The following TMEM156 variants were observed in gnomAD, a reference collection of about 807,000 sequenced individuals.
The protein encoded by TMEM156 is transmembrane protein 156.
Under a neutral mutation model 30.5 loss-of-function variants are expected in TMEM156, and 28 were observed. The ratio of observed to expected loss-of-function variants is 0.92; its 90% CI spans 0.68 to 1.26. TMEM156 has a LOEUF of 1.26. TMEM156 is among the 50% of genes most tolerant of loss of function. The pLI is 0.00. For synonymous variants in TMEM156, 137 were observed against 119.9 expected (o/e 1.14, Z -0.93); for missense variants, 351 against 340.6 (o/e 1.03, Z -0.24).
chr4:38,993,830 CT>C lies in TMEM156; in HGVS notation c.526del (p.Ser176AlafsTer6). On this transcript the variant is annotated frameshift_variant, in exon 3 of 7. Coordinates refer to ENST00000381938, the MANE Select transcript of TMEM156 (RefSeq NM_024943.3). LOFTEE classifies it high-confidence loss of function. ...GRSTIMEDEP[S>X]KEKSINYTCR... ...AGTGTAGTTTATCGATTTCTCCTTG[CT>C]TGGCTCATCCTCCATGATTGTTGAT... 1.2e-6 allele frequency: 2 copies of C among 1,614,048 alleles called. No homozygotes were observed. The highest frequency in any genetic ancestry group is 1.7e-6 in the Non-Finnish European group (2 of 1,179,972).
At chr4:39,000,120 G>A (rs558568658) in intron 1 of TMEM156, among the ~76,000 whole-genome samples, 1 of 152,332 alleles carries the variant, frequency 6.6e-6, no homozygotes, top group South Asian at 2.1e-4. Flanking sequence ...TAGGCTGGGT[G>A]TGGTGGCTCA....
At chr4:38,983,973 C>T (rs1016804765) in intron 5 of TMEM156, among the ~76,000 whole-genome samples, 8 of 152,166 alleles carry the variant, frequency 5.3e-5, no homozygotes, top group Non-Finnish European at 1.0e-4. Context: ...AGATATTATG[C>T]TAGCAACAAC....
At chr4:39,017,876 A>G (rs1166939041) in intron 1 of TMEM156, among the ~76,000 whole-genome samples, 2 of 152,000 alleles carry the variant, frequency 1.3e-5, no homozygotes, top group Admixed American at 1.3e-4. Context: ...TTTTATCTTA[A>G]TGCTTTAGAT....
At chr4:38,986,228 G>T in intron 5 of TMEM156, 108 bp downstream of exon 5, 2 of 763,292 alleles carry the variant, frequency 2.6e-6, no homozygotes, top group Non-Finnish European at 4.6e-6. Flanking sequence ...CAGATACAAG[G>T]CTAATTTACA....
chr4:38,994,606 G>GT lies in TMEM156; in HGVS notation c.359-609dup, dbSNP rs577497906. Reference sequence around the variant, plus strand: ...ATATTTCCCATTCCACACTGTACTAGTTTTTTAGGGCTGCTGTAACAAAGT... The same window carrying GT: ...ATATTTCCCATTCCACACTGTACTAGTTTTTTTAGGGCTGCTGTAACAAAGT... On this transcript the variant is annotated intron_variant, in intron 2 of 6. Transcript: ENST00000381938. 1.4e-3 allele frequency among the ~76,000 whole-genome samples: 207 copies of GT among 152,256 alleles called. 2 individuals carry two copies. The highest frequency in any genetic ancestry group is 4.7e-3 in the African/African-American group (194 of 41,548).
Position 38,998,808 on chromosome 4 carries a change from C to A in TMEM156, c.190G>T (p.Val64Leu). 1 of 1,613,836 alleles carries A rather than the reference C, an allele frequency of 6.2e-7. No homozygotes were observed. Among genetic ancestry groups the A allele is most frequent in the Non-Finnish European group, 8.5e-7 (1 of 1,179,886 alleles). Residue 64 changes from valine (V) to leucine (L), a missense_variant, in exon 2 of 7, where the codon GTA (valine) becomes TTA (leucine). Physicochemically the swap from Val to Leu is conservative, Grantham distance 32. Coordinates refer to ENST00000381938, the MANE Select transcript of TMEM156 (RefSeq NM_024943.3). Reference protein sequence around the residue: ...NFSFVTFLQPVRETQIIMRIF... With the variant: ...NFSFVTFLQPLRETQIIMRIF... ...CTCATGATAATCTGAGTTTCCCTTA[C>A]TGGTTGCAGAAAAGTCACAAAAGAA...
chr4:39,001,989 T>C (rs200298123), intron 1 of TMEM156, among the ~76,000 whole-genome samples: 39,846 of 109,696 alleles, frequency 0.36, 8,908 homozygotes, highest in East Asian at 0.55. Context: ...ACTTCATGTC[T>C]AAAACACCAA....
intron 1 of TMEM156, among the ~76,000 whole-genome samples, chr4:39,031,972 A>G: frequency 6.6e-6 from 1 of 152,046 alleles, no homozygotes. Flanking sequence ...TTGTAATCTC[A>G]ATGTCTGAAA....
At chr4:39,028,056 T>C (rs1229522693) in intron 1 of TMEM156, among the ~76,000 whole-genome samples, 3 of 152,000 alleles carry the variant, frequency 2.0e-5, no homozygotes, top group Non-Finnish European at 4.4e-5. Context: ...CCAGCTAGTT[T>C]TTTGTATTTT....
At chr4:39,015,691 C>T (rs140543550) in intron 1 of TMEM156, among the ~76,000 whole-genome samples, 21 of 152,194 alleles carry the variant, frequency 1.4e-4, no homozygotes, top group South Asian at 2.1e-4. Flanking sequence ...TTAACTGATA[C>T]GGTTTGGCTG....
chr4:38,977,804 A>G (rs961626735), intron 5 of TMEM156, among the ~76,000 whole-genome samples: 11 of 152,180 alleles, frequency 7.2e-5, no homozygotes, highest in African/African-American at 2.7e-4. Flanking sequence ...TAGTGAACAA[A>G]ATGGATTTTC....
intron 3 of TMEM156, among the ~76,000 whole-genome samples, chr4:38,992,167 C>T (rs1164961752): frequency 2.6e-5 from 4 of 152,206 alleles, no homozygotes; most frequent in African/African-American, 7.2e-5. Context: ...GAAAGGCTTC[C>T]GTATGTCTGG....
In TMEM156 at chr4:39,025,618, G is replaced by A. The variant is rs59562187; in HGVS notation, c.88+6608C>T. Among the ~76,000 whole-genome samples, 62 of 152,246 alleles carry A rather than the reference G, an allele frequency of 4.1e-4. 1 individual carries two copies. Among genetic ancestry groups the A allele is most frequent in the African/African-American group, 1.4e-3 (58 of 41,550 alleles). ...GCTGGAGGCAGGGAGCAAAGTTTGG[G>A]ATAACTTTCGACATACCATAGCAAT... is the stretch of plus-strand genomic sequence containing the variant. On this transcript the variant is annotated intron_variant, in intron 1 of 6. Transcript: ENST00000381938.
chr4:39,007,125 C>T (rs749249231), intron 1 of TMEM156, among the ~76,000 whole-genome samples: 7 of 151,976 alleles, frequency 4.6e-5, no homozygotes, highest in African/African-American at 1.4e-4. Flanking sequence ...AGCGTGTTTC[C>T]GGGTTCTCAA....
At chr4:39,015,437 C>T (rs771611672) in intron 1 of TMEM156, among the ~76,000 whole-genome samples, 5 of 152,076 alleles carry the variant, frequency 3.3e-5, no homozygotes, top group Non-Finnish European at 7.4e-5. Context: ...CTCAGCAGGC[C>T]ATTGCTGGCT....
At chr4:39,019,975 C>T (rs1714753150) in intron 1 of TMEM156, among the ~76,000 whole-genome samples, 1 of 152,136 alleles carries the variant, frequency 6.6e-6, no homozygotes, top group Non-Finnish European at 1.5e-5. Flanking sequence ...CTGTCGTCCA[C>T]GGTAAACATC....
chr4:39,005,029 G>A (rs1435569141), intron 1 of TMEM156, among the ~76,000 whole-genome samples: 1 of 152,168 alleles, frequency 6.6e-6, no homozygotes, highest in Non-Finnish European at 1.5e-5. Context: ...CTGTATTCAT[G>A]TAATGGGATA....
chr4:39,014,207 T>C (rs1331121649), intron 1 of TMEM156, among the ~76,000 whole-genome samples: 1 of 152,122 alleles, frequency 6.6e-6, no homozygotes, highest in Non-Finnish European at 1.5e-5. Context: ...TTATCACGAG[T>C]CAATCTGCCA....
Position 38,993,684 on chromosome 4 carries a change from T to G in TMEM156, c.619+54A>C, listed in dbSNP as rs1052359598. The G allele has an allele frequency of 7.3e-6, 11 of 1,516,766 alleles. No individual in the cohort carries two copies. In the East Asian group the frequency reaches 1.6e-4, roughly 22 times the overall value. 94.0% of individuals were successfully genotyped at this position (1,516,766 alleles called of 1,614,324 possible). Reference sequence around the variant, plus strand: ...TTAATGTGATAGCCCTTACTTAATTTTACATATCTATATCGGATAACTCCT... The same window carrying G: ...TTAATGTGATAGCCCTTACTTAATTGTACATATCTATATCGGATAACTCCT... On this transcript the variant is annotated intron_variant, in intron 3 of 6. Coordinates refer to ENST00000381938, the MANE Select transcript of TMEM156 (RefSeq NM_024943.3).
Sources: allele counts gnomAD v4.1 joint callset (sites outside exome capture counted in the v4.1 genomes callset), GRCh38; gene constraint gnomAD v4.1.1; transcripts MANE v1.5; gene names NCBI Gene and HGNC (gene_info 2026-07-23, HGNC 2026-07-21).